ANKS6: variants seen among roughly 807,000 people sequenced by gnomAD.
ANKS6 encodes ankyrin repeat and sterile alpha motif domain containing 6, also known as ankyrin repeat and SAM domain-containing protein 6.
A neutral mutation model predicts 77.9 loss-of-function variants in ANKS6; 47 were observed. The observed-to-expected ratio is 0.60, with a 90% confidence interval of 0.48 to 0.77. The LOEUF is 0.77. Ranked by LOEUF, ANKS6 falls within the 30% of genes least tolerant of loss-of-function variation. The probability of loss-of-function intolerance (pLI) is 0.00; values close to 1 mark genes in which losing one functional copy is unlikely to be tolerated. For missense variants in ANKS6, 1,150 were observed against 1,159.1 expected (o/e 0.99, Z 0.11); for synonymous variants, 488 against 501.7 (o/e 0.97, Z 0.37).
intron 1 of ANKS6, among the ~76,000 whole-genome samples, chr9:98,792,368 G>A (rs1376281298): frequency 6.6e-6 from 1 of 152,068 alleles, no homozygotes. Flanking sequence ...TTCCCTAATT[G>A]TCTCTCCTAT....
Position 98,780,334 on chromosome 9 carries a change from G to A in ANKS6, c.1223C>T (p.Thr408Met), listed in dbSNP as rs751555346. 40 of 1,590,372 alleles carry A rather than the reference G, an allele frequency of 2.5e-5. No homozygotes were observed. The highest frequency in any genetic ancestry group is 6.8e-5 in the East Asian group (3 of 44,372). ...DLVMLLNDPD[T>M]ELVRLLASVC... is the part of the protein sequence containing the mutation. ...AGATGCCAGCAGTCGAACAAGTTCC[G>A]TGTCTATGGACACAAAAGGCATCAT... The change falls in exon 6 of 15, where the codon ACG becomes ATG. Residue 408 changes from threonine (T) to methionine (M), a missense_variant. Physicochemically the swap from Thr to Met is moderately conservative, Grantham distance 81 (BLOSUM62 -1). Coordinates refer to ENST00000353234, the MANE Select transcript of ANKS6 (RefSeq NM_173551.5).
intron 8 of ANKS6, among the ~76,000 whole-genome samples, chr9:98,777,136 AT>A (rs1420293620): frequency 6.6e-6 from 1 of 152,112 alleles, no homozygotes; most frequent in Admixed American, 6.6e-5. Flanking sequence ...CTGCCCATCA[AT>A]TCCTACCCTC....
chr9:98,744,046 C>T (rs548587989), intron 14 of ANKS6, among the ~76,000 whole-genome samples: 10 of 152,236 alleles, frequency 6.6e-5, no homozygotes, highest in East Asian at 1.9e-4. Flanking sequence ...GGTGCTGGTC[C>T]GGAAGTCAGG....
chr9:98,777,410 T>G lies in ANKS6; in HGVS notation c.1612A>C (p.Thr538Pro), dbSNP rs1833975397. 14 of 1,614,144 alleles carry G rather than the reference T, an allele frequency of 8.7e-6. No individual in the cohort carries two copies. The highest frequency in any genetic ancestry group is 1.2e-5 in the Non-Finnish European group (14 of 1,180,026). Residue 538 changes from threonine to proline, a missense_variant, in exon 8 of 15, where the codon ACC (threonine) becomes CCC (proline). Coordinates refer to ENST00000353234, the MANE Select transcript of ANKS6 (RefSeq NM_173551.5). ...RGEKEDTLLT[T>P]MLRNGAPLTR... Reference sequence around the variant, plus strand: ...TAGAAAAGCCCCACACTCACCATGGTTGTCAATAACGTGTCTTCCTTTTCT... The same window carrying G: ...TAGAAAAGCCCCACACTCACCATGGGTGTCAATAACGTGTCTTCCTTTTCT...
chr9:98,740,368 C>T (rs1276673211), intron 14 of ANKS6, among the ~76,000 whole-genome samples: 2 of 152,192 alleles, frequency 1.3e-5, no homozygotes, highest in South Asian at 2.1e-4. Flanking sequence ...TATGACAGAG[C>T]ATTGGATGCC....
At chr9:98,776,398 C>A (rs1438193104) in intron 8 of ANKS6, among the ~76,000 whole-genome samples, 3 of 73,128 alleles carry the variant, frequency 4.1e-5, no homozygotes, top group African/African-American at 1.3e-4. Context: ...TTGCCAAAAA[C>A]CCTTTTTTTT....
At chr9:98,776,493 C>A (rs1195824256) in intron 8 of ANKS6, among the ~76,000 whole-genome samples, 1 of 151,812 alleles carries the variant, frequency 6.6e-6, no homozygotes, top group East Asian at 1.9e-4. Context: ...CTCCACCTCC[C>A]GGGTTCAAGC....
At chr9:98,756,252 A>T (rs1198475942) in intron 12 of ANKS6, among the ~76,000 whole-genome samples, 168 bp downstream of exon 12, 1 of 152,218 alleles carries the variant, frequency 6.6e-6, no homozygotes. Flanking sequence ...CATAGTGAAG[A>T]CAAAAATACA....
At chr9:98,781,136 G>A (rs1834226947) in intron 5 of ANKS6, among the ~76,000 whole-genome samples, 1 of 152,172 alleles carries the variant, frequency 6.6e-6, no homozygotes, top group Non-Finnish European at 1.5e-5. Context: ...CTGGCCTCAA[G>A]TGATCGACCC....
At chr9:98,737,301 T>C (rs1158661343) in intron 14 of ANKS6, among the ~76,000 whole-genome samples, 2 of 152,274 alleles carry the variant, frequency 1.3e-5, no homozygotes, top group Non-Finnish European at 2.9e-5. Flanking sequence ...TGTTTGCTGA[T>C]GACATGATCG....
At chr9:98,795,981 A>G in intron 1 of ANKS6, 152 bp downstream of exon 1, 4 of 777,610 alleles carry the variant, frequency 5.1e-6, no homozygotes, top group East Asian at 3.4e-5. Context: ...GTCTATGCTC[A>G]AAGTTTACAA....
At chr9:98,760,151 T>C (rs777532851) in intron 11 of ANKS6, among the ~76,000 whole-genome samples, 5 of 152,138 alleles carry the variant, frequency 3.3e-5, no homozygotes, top group Non-Finnish European at 7.4e-5. Flanking sequence ...TTACCATGCA[T>C]AGGGCAAGGC....
intron 12 of ANKS6, among the ~76,000 whole-genome samples, chr9:98,753,258 C>A (rs916889957): frequency 6.6e-6 from 1 of 152,184 alleles, no homozygotes; most frequent in Non-Finnish European, 1.5e-5. Flanking sequence ...ATGGTTCCAA[C>A]ATGAACACTG....
rs1214296381 is a variant in ANKS6, at chr9:98,784,041, C to A, written c.1024G>T (p.Val342Leu). The change falls in exon 4 of 15, where the codon GTG (valine) becomes TTG (leucine). Residue 342 changes from valine (V) to leucine (L), a missense_variant. Coordinates refer to ENST00000353234, the MANE Select transcript of ANKS6 (RefSeq NM_173551.5). ...LAAVTGQLAL[V>L]QLLVERHADV... The stretch of plus-strand genomic sequence containing the variant: ...GCGTGCCTCTCCACCAGCAGCTGCA[C>A]CAGAGCCAGCTGCCCCGTAACAGCT... 4.3e-6 allele frequency: 7 copies of A among 1,611,614 alleles called. No homozygotes were observed. Among genetic ancestry groups the A allele is most frequent in the Non-Finnish European group, 5.9e-6 (7 of 1,179,204 alleles).
intron 5 of ANKS6, among the ~76,000 whole-genome samples, chr9:98,780,633 T>C (rs925624181): frequency 2.0e-5 from 3 of 152,220 alleles, no homozygotes; most frequent in Admixed American, 2.0e-4. Flanking sequence ...AGGTTCAGAT[T>C]CTGCTTCTGT....
chr9:98,784,485 T>A (rs1834457564), intron 3 of ANKS6: 2 of 397,508 alleles, frequency 5.0e-6, no homozygotes, highest in Non-Finnish European at 8.9e-6. Context: ...CGGGAAGGGC[T>A]TCCTGGAAGC....
intron 12 of ANKS6, among the ~76,000 whole-genome samples, chr9:98,755,758 C>T (rs924863679): frequency 1.3e-5 from 2 of 152,224 alleles, no homozygotes; most frequent in Admixed American, 6.5e-5. Context: ...TCACCACATT[C>T]CACCCCTGTG....
At chr9:98,792,406 C>A (rs1243864641) in intron 1 of ANKS6, among the ~76,000 whole-genome samples, 2 of 152,194 alleles carry the variant, frequency 1.3e-5, no homozygotes, top group Non-Finnish European at 2.9e-5. Flanking sequence ...AAGGACAGGA[C>A]AGGGTTCCAC....
Position 98,733,936 on chromosome 9 carries a change from G to A in ANKS6, c.*2583C>T, listed in dbSNP as rs532601293. 3.0e-6 allele frequency: 3 copies of A among 985,382 alleles called. No homozygotes were observed. The highest frequency in any genetic ancestry group is 3.6e-6 in the Non-Finnish European group (3 of 829,958). 61.0% of individuals were successfully genotyped at this position (985,382 alleles called of 1,614,324 possible). ...GCCAAGCAAGGGAGGTGCTTCTTGT[G>A]GGGGGAACAGCCACAGGCAGGCTGG... is the stretch of plus-strand genomic sequence containing the variant. On this transcript the variant is annotated 3_prime_UTR_variant, in exon 15 of 15. Coordinates refer to ENST00000353234, the MANE Select transcript of ANKS6 (RefSeq NM_173551.5).
Sources: gnomAD v4.1 joint callset for allele counts (sites outside exome capture counted in the v4.1 genomes callset) on GRCh38, gnomAD v4.1.1 for gene constraint, MANE v1.5 for transcripts, NCBI Gene and HGNC (gene_info 2026-07-23, HGNC 2026-07-21) for gene names.